Variants in FNIP1 observed in about 807,000 individuals in gnomAD.
FNIP1 encodes the protein folliculin-interacting protein 1.
In FNIP1, 40 loss-of-function variants were observed where a neutral mutation model predicts 124.5. The ratio of observed to expected loss-of-function variants is 0.32; its 90% confidence interval spans 0.25 to 0.42. The LOEUF is 0.42. FNIP1 is among the 10% of genes least tolerant of loss of function. The probability of loss-of-function intolerance (pLI) is 1.00; values close to 1 mark genes in which losing one functional copy is unlikely to be tolerated. For synonymous variants in FNIP1, 472 were observed against 470.6 expected (o/e 1.00, Z -0.04); for missense variants, 1,176 against 1,403.7 (o/e 0.84, Z 2.59).
chr5:131,642,310 T>G lies in FNIP1; in HGVS notation c.*2375A>C, dbSNP rs74603102. 0.013 allele frequency: 2,043 copies of G among 152,542 alleles called. 88 individuals are homozygous for G. Among genetic ancestry groups the G allele is most frequent in the East Asian group, 0.13 (694 of 5,300 alleles). The allele number at this position is 152,542 out of a possible 1,614,324, so 9.4% of individuals were successfully genotyped here. On this transcript the variant is annotated 3_prime_UTR_variant, in exon 18 of 18. Transcript: ENST00000510461. ...ATAGAAATTATAGAAGGATTAGGAA[T>G]TACAAAACTCAGGAATGGGAAGCAG...
chr5:131,783,285 C>G (rs922393950), intron 1 of FNIP1, among the ~76,000 whole-genome samples: 1 of 151,826 alleles, frequency 6.6e-6, no homozygotes, highest in Non-Finnish European at 1.5e-5. Context: ...GGTTGAAAAA[C>G]AGATCTGAAA....
chr5:131,715,444 C>G (rs1441216724), intron 6 of FNIP1, among the ~76,000 whole-genome samples: 42 of 152,070 alleles, frequency 2.8e-4, no homozygotes, highest in Non-Finnish European at 1.5e-5. Context: ...TAAGATCACG[C>G]CACTGCACTC....
intron 1 of FNIP1, among the ~76,000 whole-genome samples, chr5:131,751,171 A>G (rs1770861293): frequency 6.6e-6 from 1 of 152,144 alleles, no homozygotes; most frequent in African/African-American, 2.4e-5. Flanking sequence ...CAAAGGTGCC[A>G]AGATATATCA....
chr5:131,740,514 G>GAAATATAACTT (rs1210100274), intron 2 of FNIP1, among the ~76,000 whole-genome samples: 2 of 152,180 alleles, frequency 1.3e-5, no homozygotes, highest in Non-Finnish European at 2.9e-5. Flanking sequence ...ACTTAACTGG[G>GAAATATAACTT]AACTCATGAA....
chr5:131,693,922 C>T (rs1351728706), intron 11 of FNIP1, among the ~76,000 whole-genome samples: 5 of 151,958 alleles, frequency 3.3e-5, no homozygotes, highest in African/African-American at 7.2e-5. Flanking sequence ...AAAACCCAAA[C>T]AGACACTTCA....
At chr5:131,679,243 A>G in intron 11 of FNIP1, 68 bp from the exon 12 acceptor site, 1 of 944,808 alleles carries the variant, frequency 1.1e-6, no homozygotes, top group Non-Finnish European at 1.7e-6. Flanking sequence ...AATAATTTTA[A>G]GTTTATATTG....
At chr5:131,700,032 G>C (rs1490598543) in intron 10 of FNIP1, among the ~76,000 whole-genome samples, 1 of 149,234 alleles carries the variant, frequency 6.7e-6, no homozygotes, top group Non-Finnish European at 1.5e-5. Context: ...GTTGCCAGCT[G>C]GAGTGCAGTG....
At chr5:131,789,504 T>C (rs576341898) in intron 1 of FNIP1, among the ~76,000 whole-genome samples, 96 of 152,252 alleles carry the variant, frequency 6.3e-4, no homozygotes, top group Admixed American at 2.1e-3. Context: ...ATTTATCCTA[T>C]AGAAATAATA....
intron 2 of FNIP1, among the ~76,000 whole-genome samples, chr5:131,735,147 A>C (rs1323980669): frequency 6.6e-6 from 1 of 152,202 alleles, no homozygotes; most frequent in East Asian, 1.9e-4. Context: ...GGATGAGTTC[A>C]TGTCCTTTGT....
intron 1 of FNIP1, among the ~76,000 whole-genome samples, chr5:131,772,748 C>T (rs761864658): frequency 2.6e-5 from 4 of 152,152 alleles, no homozygotes; most frequent in East Asian, 3.8e-4. Flanking sequence ...AGATATGGAT[C>T]GCTGTTTCCC....
At chr5:131,664,753 G>T (rs1767544806) in intron 15 of FNIP1, among the ~76,000 whole-genome samples, 1 of 151,364 alleles carries the variant, frequency 6.6e-6, no homozygotes, top group South Asian at 2.1e-4. Flanking sequence ...TTAGTATGGG[G>T]AAATATTCTT....
At chr5:131,723,934 C>T (rs773850631) in intron 3 of FNIP1, among the ~76,000 whole-genome samples, 3 of 151,074 alleles carry the variant, frequency 2.0e-5, no homozygotes, top group Non-Finnish European at 4.4e-5. Context: ...CTGTACAACT[C>T]CCACTTATGA....
chr5:131,791,990 G>C (rs894731729), intron 1 of FNIP1, among the ~76,000 whole-genome samples: 2 of 152,128 alleles, frequency 1.3e-5, no homozygotes, highest in Non-Finnish European at 2.9e-5. Context: ...ACACAAAACT[G>C]ATATAACAGT....
At chr5:131,656,475 T>C (rs1767194927) in intron 15 of FNIP1, among the ~76,000 whole-genome samples, 1 of 152,204 alleles carries the variant, frequency 6.6e-6, no homozygotes, top group Admixed American at 6.5e-5. Flanking sequence ...AGGGTTGCTG[T>C]AAGAAAGCTC....
intron 3 of FNIP1, among the ~76,000 whole-genome samples, chr5:131,724,878 T>C (rs181484754): frequency 6.6e-6 from 1 of 152,320 alleles, no homozygotes; most frequent in African/African-American, 2.4e-5. Context: ...GATTTTTGTA[T>C]AAGGTGTAAG....
intron 15 of FNIP1, among the ~76,000 whole-genome samples, chr5:131,664,452 A>G (rs1404506212): frequency 6.6e-6 from 1 of 152,016 alleles, no homozygotes. Flanking sequence ...CCTGGATAAT[A>G]CAGCGAGACC....
intron 10 of FNIP1, 112 bp downstream of exon 10, chr5:131,703,952 AT>A: frequency 1.1e-6 from 1 of 870,128 alleles, no homozygotes; most frequent in Non-Finnish European, 1.7e-6. Flanking sequence ...AGAGCACTTT[AT>A]AGGACACATG....
intron 4 of FNIP1, 120 bp from the exon 5 acceptor site, chr5:131,719,180 G>A: frequency 8.8e-7 from 1 of 1,131,074 alleles, no homozygotes; most frequent in Non-Finnish European, 1.3e-6. Context: ...GAGCCATGAA[G>A]TAGCATTAAA....
At chr5:131,659,723 A>T (rs544186910) in intron 15 of FNIP1, among the ~76,000 whole-genome samples, 22 of 152,146 alleles carry the variant, frequency 1.4e-4, no homozygotes, top group Non-Finnish European at 2.4e-4. Flanking sequence ...GGCCATATAC[A>T]CGGCTGGGGT....
Sources: allele counts gnomAD v4.1 joint callset (sites outside exome capture counted in the v4.1 genomes callset), GRCh38; gene constraint gnomAD v4.1.1; transcripts MANE v1.5; gene names NCBI Gene and HGNC (gene_info 2026-07-23, HGNC 2026-07-21).